Variants in CNTN1 observed in about 807,000 individuals in gnomAD.
CNTN1 encodes the protein contactin-1.
CNTN1 carries 38 observed loss-of-function variants against 126.4 expected under a neutral mutation model. The observed-to-expected ratio is 0.30, with a 90% confidence interval of 0.23 to 0.39. CNTN1 has a LOEUF of 0.39. Ranked by LOEUF, CNTN1 falls within the 10% of genes least tolerant of loss-of-function variation. The pLI is 1.00. For synonymous variants in CNTN1, 413 were observed against 422.6 expected, an observed-to-expected ratio of 0.98 and a Z score of 0.28; for missense variants, 1,009 against 1,248.4, an observed-to-expected ratio of 0.81 and a Z score of 2.89.
At chr12:40,752,178 A>G (rs1483937583) in intron 1 of CNTN1, among the ~76,000 whole-genome samples, 1 of 152,064 alleles carries the variant, frequency 6.6e-6, no homozygotes, top group Admixed American at 6.6e-5. Context: ...TATGCCCTGT[A>G]TGGTCACGTG....
At chr12:40,796,363 C>T (rs780742737) in intron 1 of CNTN1, among the ~76,000 whole-genome samples, 4 of 151,994 alleles carry the variant, frequency 2.6e-5, no homozygotes, top group Non-Finnish European at 4.4e-5. Flanking sequence ...CTTCAGAATA[C>T]GGCTCTGTGA....
intron 1 of CNTN1, among the ~76,000 whole-genome samples, chr12:40,799,235 TTTAA>T (rs1466223028): frequency 5.3e-5 from 8 of 151,140 alleles, no homozygotes; most frequent in African/African-American, 1.5e-4. Context: ...TTGAAGTTTG[TTTAA>T]TTAATTGATA....
chr12:40,814,312 G>C (rs546518770), intron 1 of CNTN1, among the ~76,000 whole-genome samples: 1 of 152,260 alleles, frequency 6.6e-6, no homozygotes, highest in South Asian at 2.1e-4. Context: ...TTTTCTTCTA[G>C]GGTTTTTATG....
At chr12:40,760,846 C>CACACAA (rs142283042) in intron 1 of CNTN1, among the ~76,000 whole-genome samples, 1 of 151,604 alleles carries the variant, frequency 6.6e-6, no homozygotes, top group Non-Finnish European at 1.5e-5. Flanking sequence ...CACACACACA[C>CACACAA]ACACACACAC....
chr12:40,906,219 C>T (rs1458947936), intron 1 of CNTN1, among the ~76,000 whole-genome samples: 1 of 151,974 alleles, frequency 6.6e-6, no homozygotes, highest in Non-Finnish European at 1.5e-5. Context: ...TGCAGTGAGC[C>T]GAGACTGCAC....
intron 1 of CNTN1, among the ~76,000 whole-genome samples, chr12:40,739,144 T>A (rs760977395): frequency 6.6e-6 from 1 of 152,038 alleles, no homozygotes; most frequent in Non-Finnish European, 1.5e-5. Context: ...TAAGAACCCA[T>A]GTAGGAGACT....
rs74076947 is a variant in CNTN1 at position 41,044,348 on chromosome 12, G to T, written c.2980+15129G>T. ...GCCAAGGATTATGTCAATAAGTTGAGTTGTAAGAATTCTGGTGCAAACAAA... is the reference window on the plus strand; with the variant it reads ...GCCAAGGATTATGTCAATAAGTTGATTTGTAAGAATTCTGGTGCAAACAAA... On this transcript the variant is annotated intron_variant, in intron 23 of 23. Coordinates refer to ENST00000551295, the MANE Select transcript of CNTN1 (RefSeq NM_001843.4). 3.1e-3 allele frequency among the ~76,000 whole-genome samples: 466 copies of T among 151,908 alleles called. 2 individuals carry two copies. The highest frequency in any genetic ancestry group is 0.011 in the African/African-American group (456 of 41,494).
chr12:40,800,673 A>G (rs1940610598), intron 1 of CNTN1, among the ~76,000 whole-genome samples: 1 of 152,028 alleles, frequency 6.6e-6, no homozygotes, highest in East Asian at 1.9e-4. Context: ...TAAAGGCATA[A>G]AGCGTTTTCA....
At chr12:41,022,406 T>A (rs982627655) in intron 20 of CNTN1, among the ~76,000 whole-genome samples, 1 of 152,206 alleles carries the variant, frequency 6.6e-6, no homozygotes, top group East Asian at 1.9e-4. Flanking sequence ...TGAGCAAACA[T>A]GGGTTTATAT....
intron 1 of CNTN1, among the ~76,000 whole-genome samples, chr12:40,818,360 C>T (rs930075346): frequency 6.6e-6 from 1 of 152,000 alleles, no homozygotes; most frequent in African/African-American, 2.4e-5. Flanking sequence ...AGGCTTTGTT[C>T]ATTCCTTTTC....
At chr12:40,711,565 G>T (rs916407032) in intron 1 of CNTN1, among the ~76,000 whole-genome samples, 3 of 152,086 alleles carry the variant, frequency 2.0e-5, no homozygotes, top group Non-Finnish European at 4.4e-5. Flanking sequence ...CAATGCAGAA[G>T]AAATTAAACA....
intron 3 of CNTN1, among the ~76,000 whole-genome samples, chr12:40,913,625 T>C (rs1300512588): frequency 6.6e-6 from 1 of 152,162 alleles, no homozygotes; most frequent in Admixed American, 6.6e-5. Flanking sequence ...TACAAATATC[T>C]CTGAAGTACA....
chr12:40,702,397 A>G (rs1224546144), intron 1 of CNTN1, among the ~76,000 whole-genome samples: 1 of 152,100 alleles, frequency 6.6e-6, no homozygotes, highest in African/African-American at 2.4e-5. Flanking sequence ...GTTTTGTGTT[A>G]TTACTGATAG....
intron 1 of CNTN1, among the ~76,000 whole-genome samples, chr12:40,818,030 CTGT>C (rs1233627594): frequency 6.6e-6 from 1 of 152,108 alleles, no homozygotes; most frequent in Non-Finnish European, 1.5e-5. Flanking sequence ...TCTGAGAGGT[CTGT>C]TGTTATTCTA....
At chr12:40,786,826 A>G (rs1252845315) in intron 1 of CNTN1, among the ~76,000 whole-genome samples, 1 of 152,152 alleles carries the variant, frequency 6.6e-6, no homozygotes. Context: ...AGAAGATTCC[A>G]TCTCTCTGTC....
chr12:40,846,416 C>T (rs1942504153), intron 1 of CNTN1, among the ~76,000 whole-genome samples: 1 of 152,124 alleles, frequency 6.6e-6, no homozygotes, highest in Admixed American at 6.5e-5. Context: ...TGCAGTGAGC[C>T]GAGATTGCGC....
intron 15 of CNTN1, 120 bp from the exon 16 acceptor site, chr12:40,980,789 C>A: frequency 4.5e-6 from 4 of 897,308 alleles, no homozygotes; most frequent in Non-Finnish European, 3.6e-6. Flanking sequence ...AATGCAGACA[C>A]ACTGATTATA....
At chr12:40,846,707 GCTGAGGCAGAGTCTCT>G (rs1942516695) in intron 1 of CNTN1, among the ~76,000 whole-genome samples, 1 of 151,852 alleles carries the variant, frequency 6.6e-6, no homozygotes, top group African/African-American at 2.4e-5. Flanking sequence ...TGTTGTTGCT[GCTGAGGCAGAGTCTCT>G]CTTTGTCACC....
chr12:41,064,986 G>A (rs1230818125), intron 23 of CNTN1, among the ~76,000 whole-genome samples: 3 of 152,186 alleles, frequency 2.0e-5, no homozygotes, highest in African/African-American at 7.2e-5. Context: ...TGACTCAGCT[G>A]CCATGTGATA....
Sources: allele counts gnomAD v4.1 joint callset (sites outside exome capture counted in the v4.1 genomes callset), GRCh38; gene constraint gnomAD v4.1.1; transcripts MANE v1.5; gene names NCBI Gene and HGNC (gene_info 2026-07-23, HGNC 2026-07-21).